The following TSHZ2 variants were observed in gnomAD, a reference collection of about 807,000 sequenced individuals.
The protein encoded by TSHZ2 is teashirt zinc finger homeobox 2.
In TSHZ2, 21 loss-of-function variants were observed where a neutral mutation model predicts 74.4. The ratio of observed to expected loss-of-function variants is 0.28; its 90% confidence interval spans 0.20 to 0.41. The LOEUF (loss-of-function observed/expected upper bound fraction) is 0.41. TSHZ2 is among the 10% of genes least tolerant of loss of function. The pLI is 1.00. For synonymous variants in TSHZ2, 540 were observed against 515.3 expected (o/e 1.05, Z -0.65); for missense variants, 1,244 against 1,293.5 (o/e 0.96, Z 0.59).
chr20:53,237,039 G>A (rs1428151233), intron 1 of TSHZ2, among the ~76,000 whole-genome samples: 1 of 152,146 alleles, frequency 6.6e-6, no homozygotes, highest in African/African-American at 2.4e-5. Context: ...TTTGACTTCT[G>A]GAAGCCTAAG....
intron 1 of TSHZ2, among the ~76,000 whole-genome samples, chr20:53,002,629 T>TA (rs1266415930): frequency 1.3e-5 from 2 of 151,046 alleles, no homozygotes; most frequent in Non-Finnish European, 3.0e-5. Flanking sequence ...AAAAAGAAAA[T>TA]AAATATTTTT....
At chr20:53,315,066 A>G (rs1369711327) in intron 2 of TSHZ2, among the ~76,000 whole-genome samples, 1 of 152,232 alleles carries the variant, frequency 6.6e-6, no homozygotes, top group Non-Finnish European at 1.5e-5. Flanking sequence ...GAGATTCAAA[A>G]AAAGGAGATG....
intron 1 of TSHZ2, among the ~76,000 whole-genome samples, chr20:53,219,047 G>A (rs558041138): frequency 1.3e-3 from 204 of 152,282 alleles, no homozygotes; most frequent in Non-Finnish European, 2.2e-3. Context: ...TGCACTGTGG[G>A]TAGCCATTTC....
chr20:53,474,096 C>T (rs1353105403), intron 2 of TSHZ2, among the ~76,000 whole-genome samples: 1 of 150,092 alleles, frequency 6.7e-6, no homozygotes, highest in Non-Finnish European at 1.5e-5. Flanking sequence ...GGATATTATC[C>T]AGGAGAACTT....
chr20:53,020,256 A>T (rs1452478532), intron 1 of TSHZ2, among the ~76,000 whole-genome samples: 1 of 152,164 alleles, frequency 6.6e-6, no homozygotes, highest in Non-Finnish European at 1.5e-5. Context: ...TCGTGTTATT[A>T]CTACTTCTAT....
At chr20:53,315,963 G>A (rs78540518) in intron 2 of TSHZ2, among the ~76,000 whole-genome samples, 1,974 of 152,166 alleles carry the variant, frequency 0.013, 36 homozygotes, top group African/African-American at 0.043. Flanking sequence ...AAGGAGCCGA[G>A]GAGGACATTC....
chr20:53,186,527 T>C (rs572874413), intron 1 of TSHZ2, among the ~76,000 whole-genome samples: 25 of 152,234 alleles, frequency 1.6e-4, no homozygotes, highest in Non-Finnish European at 1.0e-4. Context: ...GAAAACTCTA[T>C]ATGTGCTCAC....
intron 2 of TSHZ2, among the ~76,000 whole-genome samples, chr20:53,353,632 G>C (rs1290260634): frequency 6.6e-6 from 1 of 152,172 alleles, no homozygotes; most frequent in Non-Finnish European, 1.5e-5. Context: ...GCATACAACT[G>C]AGCACCTTTG....
At chr20:53,367,944 T>G (rs1364965558) in intron 2 of TSHZ2, among the ~76,000 whole-genome samples, 2 of 152,170 alleles carry the variant, frequency 1.3e-5, no homozygotes, top group African/African-American at 4.8e-5. Context: ...TTGTATTGTT[T>G]CAGGAACTTC....
intron 2 of TSHZ2, among the ~76,000 whole-genome samples, chr20:53,417,586 T>G (rs975029500): frequency 1.2e-4 from 18 of 152,146 alleles, no homozygotes. Flanking sequence ...CATGAACCAC[T>G]GCACCCGGCT....
chr20:53,364,386 A>G (rs1160906223), intron 2 of TSHZ2, among the ~76,000 whole-genome samples: 2 of 152,222 alleles, frequency 1.3e-5, no homozygotes, highest in African/African-American at 4.8e-5. Context: ...TGTTCAAACA[A>G]GAGTCAGGGA....
At chr20:53,018,367 A>C (rs1983116195) in intron 1 of TSHZ2, among the ~76,000 whole-genome samples, 1 of 152,190 alleles carries the variant, frequency 6.6e-6, no homozygotes, top group African/African-American at 2.4e-5. Context: ...TTTCAGGGGC[A>C]TGAAGTGAGC....
At chr20:53,360,320 T>A (rs187737091) in intron 2 of TSHZ2, among the ~76,000 whole-genome samples, 58 of 152,314 alleles carry the variant, frequency 3.8e-4, no homozygotes, top group Non-Finnish European at 2.2e-4. Context: ...TGTCCTAAGG[T>A]GTAATTTACA....
chr20:53,433,648 G>A (rs1171865688), intron 2 of TSHZ2, among the ~76,000 whole-genome samples: 1 of 150,300 alleles, frequency 6.7e-6, no homozygotes, highest in Non-Finnish European at 1.5e-5. Context: ...AGGAAGAAGA[G>A]TGAAATGGAT....
intron 1 of TSHZ2, among the ~76,000 whole-genome samples, chr20:53,143,698 AT>A (rs1033235059): frequency 1.3e-4 from 19 of 151,490 alleles, no homozygotes; most frequent in Admixed American, 7.9e-4. Flanking sequence ...TCTCAAAAAA[AT>A]AAATAAATAA....
chr20:53,436,746 T>C (rs1263475926), intron 2 of TSHZ2, among the ~76,000 whole-genome samples: 1 of 151,710 alleles, frequency 6.6e-6, no homozygotes, highest in African/African-American at 2.4e-5. Context: ...AGACACAGCT[T>C]CACCATGTTG....
intron 2 of TSHZ2, among the ~76,000 whole-genome samples, chr20:53,433,738 C>G (rs117149000): frequency 0.013 from 2,014 of 152,306 alleles, 22 homozygotes; most frequent in Non-Finnish European, 0.02. Flanking sequence ...TTTACCTTTT[C>G]TCCCCAGTCT....
At chr20:53,196,838 A>G (rs1294715055) in intron 1 of TSHZ2, among the ~76,000 whole-genome samples, 2 of 152,276 alleles carry the variant, frequency 1.3e-5, no homozygotes, top group Non-Finnish European at 2.9e-5. Flanking sequence ...CAGATTTGCC[A>G]TGGTGGCAAA....
chr20:53,343,247 G>T (rs1980293316), intron 2 of TSHZ2, among the ~76,000 whole-genome samples: 2 of 152,034 alleles, frequency 1.3e-5, no homozygotes, highest in African/African-American at 4.8e-5. Flanking sequence ...GATTACAGGC[G>T]TGAGCCACCG....
Sources: allele counts gnomAD v4.1 joint callset (sites outside exome capture counted in the v4.1 genomes callset), GRCh38; gene constraint gnomAD v4.1.1; transcripts MANE v1.5; gene names NCBI Gene and HGNC (gene_info 2026-07-23, HGNC 2026-07-21).